Variants in ZNF429 observed in about 807,000 individuals in gnomAD.
The protein encoded by ZNF429 is zinc finger protein 429.
In ZNF429, 53 loss-of-function variants were observed where a neutral mutation model predicts 56.8. The observed-to-expected ratio is 0.93, with a 90% CI of 0.75 to 1.17. ZNF429 has a LOEUF of 1.17. ZNF429 is among the 50% of genes most tolerant of loss of function. The pLI is 0.00. For synonymous variants in ZNF429, 278 were observed against 264.7 expected, an observed-to-expected ratio of 1.05 and a Z score of -0.49; for missense variants, 849 against 788.4, an observed-to-expected ratio of 1.08 and a Z score of -0.92.
In ZNF429 at chr19:21,536,856, G is replaced by A. The variant is rs879127550; in HGVS notation, c.803G>A (p.Arg268Lys). Residue 268 changes from arginine to lysine, a missense_variant, in exon 4 of 4, where the codon AGG becomes AAG. By Grantham distance (26) the Arg-to-Lys change is conservative. Coordinates refer to ENST00000358491, the MANE Select transcript of ZNF429 (RefSeq NM_001001415.4). ...AAAGAATGTGGCAAAGCCTTTAGCAGGTACTCAACCCTTACTACCCATAAG... is the reference window on the plus strand; with the variant it reads ...AAAGAATGTGGCAAAGCCTTTAGCAAGTACTCAACCCTTACTACCCATAAG... ...KCKECGKAFSRYSTLTTHKRI... is the reference protein window; with the variant it reads ...KCKECGKAFSKYSTLTTHKRI... 6 of 1,612,718 alleles carry A rather than the reference G, an allele frequency of 3.7e-6. No homozygotes were observed. In the Admixed American group the frequency reaches 6.7e-5, roughly 18 times the overall value.
intron 2 of ZNF429, among the ~76,000 whole-genome samples, chr19:21,530,113 C>G: frequency 6.6e-6 from 1 of 151,804 alleles, no homozygotes; most frequent in East Asian, 1.9e-4. Context: ...ATGGCGTGAA[C>G]CCGGGAGGTG....
intron 1 of ZNF429, 33 bp from the exon 2 acceptor site, chr19:21,529,625 C>G: frequency 7.1e-7 from 1 of 1,404,808 alleles, no homozygotes; most frequent in Non-Finnish European, 9.5e-7. Context: ...CTCTCTCTTT[C>G]TCTCTCCTTC....
rs764193862 is a variant in ZNF429 at position 21,537,266 on chromosome 19, GT to G, written c.1218del (p.Phe406LeufsTer278). 4 of 1,613,920 alleles carry G rather than the reference GT, an allele frequency of 2.5e-6. No homozygotes were observed. The highest frequency in any genetic ancestry group is 3.4e-6 in the Non-Finnish European group (4 of 1,179,958). ...CTACAAATTTGAAAAATGTGGCAGA[GT>G]TTTTACCTGTTCCTCAACACTTACT... Reference protein sequence around the residue: ...EPYKFEKCGRVFTCSSTLTQD... With the variant: ...EPYKFEKCGRXFTCSSTLTQD... On this transcript the variant is annotated frameshift_variant, in exon 4 of 4. Transcript: ENST00000358491. LOFTEE classifies it high-confidence loss of function.
rs113873325 is a variant in ZNF429 at position 21,506,935 on chromosome 19, A to G, written c.3+1161A>G. On this transcript the variant is annotated intron_variant, in intron 1 of 3. Transcript: ENST00000358491. ...AGGCAGGCACCACCACGCCCGGCTA[A>G]TTTTGTATTTTTAGTAGAGACGGGG... 3.9e-3 allele frequency among the ~76,000 whole-genome samples: 593 copies of G among 151,872 alleles called. 6 individuals carry two copies. Among genetic ancestry groups the G allele is most frequent in the Middle Eastern group, 0.01 (3 of 294 alleles).
rs758974432 is a variant in ZNF429, at chr19:21,536,450, C to G, written c.397C>G (p.Leu133Val). 2.5e-6 allele frequency: 4 copies of G among 1,613,428 alleles called. No individual in the cohort carries two copies. Among genetic ancestry groups the G allele is most frequent in the Non-Finnish European group, 2.5e-6 (3 of 1,179,788 alleles). ...GCTATACAAAGGAGGTTATAATGGACTTAACCAATGTTTGACACTTACCCA... is the reference window on the plus strand; with the variant it reads ...GCTATACAAAGGAGGTTATAATGGAGTTAACCAATGTTTGACACTTACCCA... Reference protein sequence around the residue: ...CKLYKGGYNGLNQCLTLTQSK... With the variant: ...CKLYKGGYNGVNQCLTLTQSK... The change falls in exon 4 of 4, where the codon CTT becomes GTT. Residue 133 changes from leucine to valine, a missense_variant. Physicochemically the swap from Leu to Val is conservative, Grantham distance 32. Transcript: ENST00000358491.
intron 3 of ZNF429, among the ~76,000 whole-genome samples, chr19:21,535,865 G>A: frequency 1.3e-5 from 2 of 152,080 alleles, no homozygotes; most frequent in Non-Finnish European, 2.9e-5. Context: ...GCTAAATCCA[G>A]CATCTGGTAA....
chr19:21,507,716 A>G (rs2032246834), intron 1 of ZNF429: 1 of 152,930 alleles, frequency 6.5e-6, no homozygotes, highest in South Asian at 2.1e-4. Flanking sequence ...ATTTTCTCCC[A>G]TAGGACAACC....
intron 2 of ZNF429, 52 bp from the exon 3 acceptor site, chr19:21,530,537 G>T: frequency 7.6e-7 from 1 of 1,320,770 alleles, no homozygotes; most frequent in Non-Finnish European, 1.0e-6. Flanking sequence ...TTACTAAATT[G>T]GTAATTACAG....
chr19:21,534,941 C>T, intron 3 of ZNF429, among the ~76,000 whole-genome samples: 2 of 150,832 alleles, frequency 1.3e-5, no homozygotes, highest in South Asian at 4.2e-4. Context: ...TCCCGAGTAG[C>T]TGGGACTACA....
In ZNF429 at chr19:21,536,785, TACTA is replaced by T; in HGVS notation, c.735_738del (p.Asn246IlefsTer59). The T allele has an allele frequency of 1.9e-6, 3 of 1,613,980 alleles. No homozygotes were observed. The highest frequency in any genetic ancestry group is 2.5e-6 in the Non-Finnish European group (3 of 1,179,980). On this transcript the variant is annotated frameshift_variant, in exon 4 of 4. Coordinates refer to ENST00000358491, the MANE Select transcript of ZNF429 (RefSeq NM_001001415.4). LOFTEE classifies it high-confidence loss of function. ...AAGCATTTAACCACTACTCAACCCT[TACTA>T]ACCATAAGAGAATTCATACTGGAGA...
At chr19:21,519,919 T>C (rs190825274) in intron 1 of ZNF429, among the ~76,000 whole-genome samples, 1 of 151,470 alleles carries the variant, frequency 6.6e-6, no homozygotes, top group East Asian at 1.9e-4. Flanking sequence ...TGGAGTGCAG[T>C]GGCATGAACT....
chr19:21,528,065 T>C (rs1302210951), intron 1 of ZNF429, among the ~76,000 whole-genome samples: 1 of 152,222 alleles, frequency 6.6e-6, no homozygotes, highest in Non-Finnish European at 1.5e-5. Flanking sequence ...CAGATCTTTC[T>C]CTACATTCTC....
At chr19:21,532,916 T>C in intron 3 of ZNF429, among the ~76,000 whole-genome samples, 1 of 152,154 alleles carries the variant, frequency 6.6e-6, no homozygotes, top group African/African-American at 2.4e-5. Context: ...CAGGCTGGTC[T>C]TGAACTCCTG....
rs1410484950 is a variant in ZNF429, at chr19:21,538,962, A to G, written c.*884A>G. ...ACAGATCTTGTTGTACACATTTTAT[A>G]CTAGAGGAAAACCCTGAAGCAGTTG... On this transcript the variant is annotated 3_prime_UTR_variant, in exon 4 of 4. Transcript: ENST00000358491. Among the ~76,000 whole-genome samples, 1 of 152,230 alleles carries G rather than the reference A, an allele frequency of 6.6e-6. No individual in the cohort carries two copies. Among genetic ancestry groups the G allele is most frequent in the Non-Finnish European group, 1.5e-5 (1 of 68,038 alleles).
intron 1 of ZNF429, among the ~76,000 whole-genome samples, chr19:21,517,984 G>A (rs2032830359): frequency 6.6e-6 from 1 of 151,766 alleles, no homozygotes; most frequent in African/African-American, 2.4e-5. Flanking sequence ...TCTTAGTAGA[G>A]ACAGGGTATA....
intron 1 of ZNF429, among the ~76,000 whole-genome samples, chr19:21,509,275 AG>A (rs1362004349): frequency 6.6e-6 from 1 of 152,170 alleles, no homozygotes; most frequent in African/African-American, 2.4e-5. Context: ...CTAGGATTAC[AG>A]GCATGAGCCA....
At chr19:21,529,845 G>A in intron 2 of ZNF429, 61 bp downstream of exon 2, 1 of 1,147,522 alleles carries the variant, frequency 8.7e-7, no homozygotes, top group Non-Finnish European at 1.2e-6. Flanking sequence ...TCTCCTCTTT[G>A]TAGAATGTTC....
chr19:21,506,893 T>C (rs942944687), intron 1 of ZNF429, among the ~76,000 whole-genome samples: 1 of 150,246 alleles, frequency 6.7e-6, no homozygotes, highest in Non-Finnish European at 1.5e-5. Flanking sequence ...CTCAGCCTCC[T>C]GAGTAGCTGG....
At chr19:21,534,370 C>T in intron 3 of ZNF429, among the ~76,000 whole-genome samples, 1 of 144,000 alleles carries the variant, frequency 6.9e-6, no homozygotes, top group African/African-American at 2.6e-5. Flanking sequence ...TAATTTTGGT[C>T]TTTTAAATTT....
Sources: allele counts gnomAD v4.1 joint callset (sites outside exome capture counted in the v4.1 genomes callset), GRCh38; gene constraint gnomAD v4.1.1; transcripts MANE v1.5; gene names NCBI Gene and HGNC (gene_info 2026-07-23, HGNC 2026-07-21).